The following PTGFRN variants were observed in gnomAD, a reference collection of about 807,000 sequenced individuals.
The protein encoded by PTGFRN is prostaglandin F2 receptor inhibitor.
PTGFRN carries 35 observed loss-of-function variants against 83.2 expected under a neutral mutation model. The ratio of observed to expected loss-of-function variants is 0.42; its 90% CI spans 0.32 to 0.56. The LOEUF (loss-of-function observed/expected upper bound fraction) is 0.56. PTGFRN is among the 20% of genes least tolerant of loss of function. The pLI, the probability that PTGFRN is intolerant of heterozygous loss-of-function variation, is 0.11. For missense variants in PTGFRN, 1,051 were observed against 1,179.5 expected, an observed-to-expected ratio of 0.89 and a Z score of 1.60; for synonymous variants, 519 against 498.6, an observed-to-expected ratio of 1.04 and a Z score of -0.55.
intron 7 of PTGFRN, among the ~76,000 whole-genome samples, chr1:116,978,853 T>G (rs151130241): frequency 0.36 from 54,193 of 151,218 alleles, 10,471 homozygotes; most frequent in African/African-American, 0.51. Context: ...ATTCAACATA[T>G]TGTTGGAAGT....
chr1:116,934,367 G>T (rs745443041), intron 1 of PTGFRN, among the ~76,000 whole-genome samples: 1 of 151,860 alleles, frequency 6.6e-6, no homozygotes, highest in Admixed American at 6.6e-5. Flanking sequence ...GGCTGATCTT[G>T]AACCCCTGGG....
intron 6 of PTGFRN, among the ~76,000 whole-genome samples, chr1:116,970,714 G>T (rs1650971747): frequency 6.6e-6 from 1 of 152,204 alleles, no homozygotes; most frequent in South Asian, 2.1e-4. Context: ...ATCAAATTCA[G>T]CACCCAGAAC....
chr1:116,952,365 C>T lies in PTGFRN; in HGVS notation c.1213+2793C>T, dbSNP rs2101070317. ...GGGGCAATGACATGAATGGGCCTGG[C>T]AAGTCCAGAGCACTTGCAGCCACTG... is the stretch of plus-strand genomic sequence containing the variant. On this transcript the variant is annotated intron_variant, in intron 4 of 8. Coordinates refer to ENST00000393203, the MANE Select transcript of PTGFRN (RefSeq NM_020440.4). This position sits in a 1 kb window ranked among gnomAD's most constrained non-coding sequence, Gnocchi z 4.0. 6.6e-6 allele frequency among the ~76,000 whole-genome samples: 1 copy of T among 152,058 alleles called. No individual in the cohort carries two copies. Among genetic ancestry groups the T allele is most frequent in the Non-Finnish European group, 1.5e-5 (1 of 67,992 alleles).
At chr1:116,912,527 G>C (rs1053636136) in intron 1 of PTGFRN, among the ~76,000 whole-genome samples, 3 of 152,128 alleles carry the variant, frequency 2.0e-5, no homozygotes, top group Non-Finnish European at 2.9e-5. Flanking sequence ...GGCTCTCCCC[G>C]TACCACAGAC....
chr1:116,951,174 G>A (rs376306358), intron 4 of PTGFRN, among the ~76,000 whole-genome samples: 3 of 152,128 alleles, frequency 2.0e-5, no homozygotes, highest in South Asian at 2.1e-4. Flanking sequence ...TTTGAAGTAC[G>A]TGTGCATTGA....
rs768384049 is a variant in PTGFRN, at chr1:116,949,461, T to A, written c.1102T>A (p.Ser368Thr). The A allele has an allele frequency of 6.2e-7, 1 of 1,614,252 alleles. No homozygotes were observed. The highest frequency in any genetic ancestry group is 8.5e-7 in the Non-Finnish European group (1 of 1,180,042). The change falls in exon 4 of 9, where the codon TCT becomes ACT. Residue 368 changes from serine to threonine, a missense_variant. Transcript: ENST00000393203. ...LLVRDVSKEN[S>T]GYYYCHVSLW... ...GGTTCGGGATGTTAGCAAAGAAAAC[T>A]CTGGCTACTATTACTGCCACGTGTC...
At chr1:116,963,003 T>C (rs1650710448) in intron 5 of PTGFRN, among the ~76,000 whole-genome samples, 1 of 152,136 alleles carries the variant, frequency 6.6e-6, no homozygotes, top group Non-Finnish European at 1.5e-5. Flanking sequence ...AAATTCCCAG[T>C]CAGTTTTAAT....
intron 1 of PTGFRN, among the ~76,000 whole-genome samples, chr1:116,927,728 G>A (rs904008435): frequency 1.3e-5 from 2 of 150,652 alleles, no homozygotes; most frequent in East Asian, 1.9e-4. Flanking sequence ...TTATAGAGAC[G>A]AGATCTATGT....
At chr1:116,910,813 C>T (rs1161118185) in intron 1 of PTGFRN, among the ~76,000 whole-genome samples, 3 of 152,180 alleles carry the variant, frequency 2.0e-5, no homozygotes, top group Non-Finnish European at 4.4e-5. Context: ...CGGGCGAGTC[C>T]TGCCGTCATT....
intron 1 of PTGFRN, among the ~76,000 whole-genome samples, chr1:116,929,258 A>G (rs1258132310): frequency 6.6e-6 from 1 of 152,036 alleles, no homozygotes; most frequent in African/African-American, 2.4e-5. Flanking sequence ...GAATCTGACT[A>G]CTCCTGAGAG....
At chr1:116,939,217 G>T (rs1327543779) in intron 1 of PTGFRN, among the ~76,000 whole-genome samples, 3 of 152,256 alleles carry the variant, frequency 2.0e-5, no homozygotes, top group African/African-American at 7.2e-5. Flanking sequence ...AGTAGGGGCT[G>T]TTTGTGGGGG....
chr1:116,953,447 TC>T (rs1239111312), intron 4 of PTGFRN, among the ~76,000 whole-genome samples: 2 of 152,166 alleles, frequency 1.3e-5, no homozygotes, highest in Non-Finnish European at 2.9e-5. Context: ...TAGTCCTCCT[TC>T]TAGGTATGTT....
In PTGFRN at chr1:116,989,682, TATG is replaced by T. The variant is rs1651653284; in HGVS notation, c.*2719_*2721del. 6.5e-6 allele frequency: 1 copy of T among 152,678 alleles called. No individual in the cohort carries two copies. Among genetic ancestry groups the T allele is most frequent in the South Asian group, 2.1e-4 (1 of 4,826 alleles). 9.5% of individuals were successfully genotyped at this position (152,678 alleles called of 1,614,324 possible). ...CGAAATTCCTGTAAATTGTTTACTT[TATG>T]ATGTTTACATACACGTTTCACTTTG... On this transcript the variant is annotated 3_prime_UTR_variant, in exon 9 of 9. Transcript: ENST00000393203.
chr1:116,974,502 T>C (rs1651089358), intron 7 of PTGFRN, 179 bp downstream of exon 7: 1 of 483,344 alleles, frequency 2.1e-6, no homozygotes, highest in Non-Finnish European at 3.6e-6. Flanking sequence ...AGTGGATGCA[T>C]CTATCTGCTA....
chr1:116,940,778 TTA>T (rs2101062789), intron 1 of PTGFRN, among the ~76,000 whole-genome samples: 1 of 152,344 alleles, frequency 6.6e-6, no homozygotes, highest in South Asian at 2.1e-4. Flanking sequence ...GCTTTCTCTT[TTA>T]TATGTTATTG....
At chr1:116,983,433 A>G (rs11576262) in intron 7 of PTGFRN, among the ~76,000 whole-genome samples, 28,424 of 150,102 alleles carry the variant, frequency 0.19, 3,347 homozygotes, top group South Asian at 0.3. Context: ...CTGTGAGAGC[A>G]TGAGGCTGTT....
intron 1 of PTGFRN, among the ~76,000 whole-genome samples, chr1:116,917,033 G>A (rs780212335): frequency 1.3e-5 from 2 of 152,006 alleles, no homozygotes; most frequent in South Asian, 2.1e-4. Flanking sequence ...GCACGCTGTC[G>A]GAAGCCAAGC....
At position 116,936,693 on chromosome 1, in the gene PTGFRN, G is replaced by A. The variant is rs532582097; in HGVS notation, c.50-5022G>A. ...GAAAGTGAAGAGATGTTTGTTTTGT[G>A]GGATAGAAGCATCAGAGAGTGGGAG... On this transcript the variant is annotated intron_variant, in intron 1 of 8. Transcript: ENST00000393203. 5.5e-4 allele frequency among the ~76,000 whole-genome samples: 84 copies of A among 152,306 alleles called. 1 individual carries two copies. The highest frequency in any genetic ancestry group is 1.9e-3 in the African/African-American group (79 of 41,558).
chr1:116,950,753 T>A (rs1650323506), intron 4 of PTGFRN, among the ~76,000 whole-genome samples: 1 of 151,888 alleles, frequency 6.6e-6, no homozygotes, highest in South Asian at 2.1e-4. Context: ...GAAGGGACAA[T>A]CCGATTCCGA....
Sources: allele counts gnomAD v4.1 joint callset (sites outside exome capture counted in the v4.1 genomes callset), GRCh38; gene constraint gnomAD v4.1.1; non-coding constraint Gnocchi (gnomAD v3.1); transcripts MANE v1.5; gene names NCBI Gene and HGNC (gene_info 2026-07-23, HGNC 2026-07-21).